PDE1C: variants seen among roughly 807,000 people sequenced by gnomAD.
PDE1C encodes dual specificity calcium/calmodulin-dependent 3',5'-cyclic nucleotide phosphodiesterase 1C.
A neutral mutation model predicts 93.1 loss-of-function variants in PDE1C; 62 were observed. The ratio of observed to expected loss-of-function variants is 0.67; its 90% CI spans 0.54 to 0.82. The LOEUF (loss-of-function observed/expected upper bound fraction) is 0.82. Among genes scored for constraint, PDE1C ranks in the 40% least tolerant of loss-of-function variants. The probability of loss-of-function intolerance (pLI) is 0.00; values close to 1 mark genes in which losing one functional copy is unlikely to be tolerated. For missense variants in PDE1C, 742 were observed against 884.6 expected (o/e 0.84, Z 2.04); for synonymous variants, 325 against 310.1 (o/e 1.05, Z -0.50).
chr7:31,850,811 AC>A, intron 7 of PDE1C, 70 bp from the exon 8 acceptor site: 2 of 1,078,332 alleles, frequency 1.9e-6, no homozygotes, highest in Non-Finnish European at 2.9e-6. Flanking sequence ...CTGACAACAC[AC>A]CCACAGTGCT....
chr7:31,988,827 T>C (rs996360862), intron 2 of PDE1C, among the ~76,000 whole-genome samples: 110 of 151,658 alleles, frequency 7.3e-4, no homozygotes, highest in African/African-American at 2.2e-3. Context: ...AAACCCTGTC[T>C]CTACTAAAAA....
At chr7:32,279,757 C>A (rs972074099) in intron 1 of PDE1C, among the ~76,000 whole-genome samples, 5 of 151,856 alleles carry the variant, frequency 3.3e-5, no homozygotes, top group African/African-American at 1.2e-4. Flanking sequence ...CATTAATCTC[C>A]TCTATTAAAA....
chr7:31,727,160 A>G, the PDE1C span, among the ~76,000 whole-genome samples: 28 of 152,162 alleles, frequency 1.8e-4, no homozygotes, highest in African/African-American at 6.8e-4. Context: ...ATTCATCACA[A>G]GCCCAAATTC....
chr7:32,408,656 G>T (rs1052244202), intron 1 of PDE1C, among the ~76,000 whole-genome samples: 3 of 152,158 alleles, frequency 2.0e-5, no homozygotes, highest in African/African-American at 7.2e-5. Context: ...AGGCATGGTA[G>T]TGGGTGCCTG....
chr7:32,310,189 A>G (rs1314926107), intron 1 of PDE1C, among the ~76,000 whole-genome samples: 2 of 151,986 alleles, frequency 1.3e-5, no homozygotes, highest in African/African-American at 4.8e-5. Context: ...TCAATTCAAC[A>G]AGAAGAGCTA....
chr7:32,028,975 A>G (rs2128631320), intron 2 of PDE1C, among the ~76,000 whole-genome samples: 1 of 152,248 alleles, frequency 6.6e-6, no homozygotes, highest in East Asian at 1.9e-4. Flanking sequence ...TGGAGAAAAC[A>G]TTTGCAAGCC....
chr7:32,139,534 G>C (rs1800402973), intron 3 of PDE1C, among the ~76,000 whole-genome samples: 2 of 151,998 alleles, frequency 1.3e-5, no homozygotes, highest in Non-Finnish European at 2.9e-5. Flanking sequence ...ACATGCAAAA[G>C]GTTTGACGTA....
the PDE1C span, among the ~76,000 whole-genome samples, chr7:31,635,303 T>C: frequency 6.6e-6 from 1 of 152,212 alleles, no homozygotes; most frequent in African/African-American, 2.4e-5. Flanking sequence ...ATTTTTAGCC[T>C]CTTGAAGAAA....
chr7:32,306,282 A>T (rs1005660178), intron 1 of PDE1C, among the ~76,000 whole-genome samples: 2 of 152,166 alleles, frequency 1.3e-5, no homozygotes, highest in Admixed American at 6.5e-5. Flanking sequence ...TCCTGGTCAT[A>T]ATACTTCCAG....
At chr7:32,309,544 G>T (rs1813113734) in intron 1 of PDE1C, among the ~76,000 whole-genome samples, 1 of 152,220 alleles carries the variant, frequency 6.6e-6, no homozygotes, top group Admixed American at 6.5e-5. Flanking sequence ...GACTAACAGT[G>T]GATCTCTCAG....
chr7:32,317,623 AACCATACTCATGTC>A, intron 1 of PDE1C, among the ~76,000 whole-genome samples: 1 of 152,040 alleles, frequency 6.6e-6, no homozygotes, highest in East Asian at 1.9e-4. Flanking sequence ...TTTTCATCAT[AACCATACTCATGTC>A]ATTTTCATCC....
At chr7:31,934,186 G>A (rs972062219) in intron 2 of PDE1C, among the ~76,000 whole-genome samples, 4 of 152,104 alleles carry the variant, frequency 2.6e-5, no homozygotes, top group Non-Finnish European at 5.9e-5. Flanking sequence ...ACCATCAAAT[G>A]AATGTAGGAC....
chr7:31,860,788 G>A (rs1363908842), intron 7 of PDE1C, among the ~76,000 whole-genome samples: 1 of 151,942 alleles, frequency 6.6e-6, no homozygotes, highest in Non-Finnish European at 1.5e-5. Flanking sequence ...TTTTTTCAAG[G>A]CCATAAACAT....
At chr7:31,914,060 T>C (rs1422692065) in intron 2 of PDE1C, among the ~76,000 whole-genome samples, 2 of 152,140 alleles carry the variant, frequency 1.3e-5, no homozygotes, top group African/African-American at 2.4e-5. Flanking sequence ...AAAGGGAAAA[T>C]ATATAAATTC....
At chr7:31,976,185 G>A (rs1346027949) in intron 2 of PDE1C, among the ~76,000 whole-genome samples, 1 of 152,074 alleles carries the variant, frequency 6.6e-6, no homozygotes, top group African/African-American at 2.4e-5. Flanking sequence ...AATATATAAC[G>A]GCATGCTTCC....
chr7:31,692,788 T>C, the PDE1C span, among the ~76,000 whole-genome samples: 3 of 152,226 alleles, frequency 2.0e-5, no homozygotes, highest in Non-Finnish European at 4.4e-5. Context: ...CCTCTTTTTC[T>C]GGGTCTGACA....
chr7:31,950,157 T>C (rs565336621), intron 2 of PDE1C, among the ~76,000 whole-genome samples: 1 of 152,288 alleles, frequency 6.6e-6, no homozygotes, highest in East Asian at 1.9e-4. Flanking sequence ...CCTCCACAAG[T>C]TAAAAAATTA....
intron 2 of PDE1C, among the ~76,000 whole-genome samples, chr7:31,935,816 T>G (rs1804969925): frequency 1.3e-5 from 2 of 151,914 alleles, no homozygotes; most frequent in African/African-American, 4.8e-5. Flanking sequence ...TATCAGGGTC[T>G]AACGTCACCA....
intron 16 of PDE1C, among the ~76,000 whole-genome samples, chr7:31,795,059 C>T (rs1785113110): frequency 6.6e-6 from 1 of 151,900 alleles, no homozygotes; most frequent in South Asian, 2.1e-4. Flanking sequence ...GACATGGTCA[C>T]TTGGAGAGCA....
Sources: gnomAD v4.1 joint callset for allele counts (sites outside exome capture counted in the v4.1 genomes callset) on GRCh38, gnomAD v4.1.1 for gene constraint, MANE v1.5 for transcripts, NCBI Gene and HGNC (gene_info 2026-07-23, HGNC 2026-07-21) for gene names.